FHIT: variants seen among roughly 807,000 people sequenced by gnomAD.
The protein encoded by FHIT is bis(5'-adenosyl)-triphosphatase.
FHIT carries 19 observed loss-of-function variants against 17.9 expected under a neutral mutation model. The ratio of observed to expected loss-of-function variants is 1.06; its 90% CI spans 0.74 to 1.56. FHIT has a LOEUF of 1.56. Ranked by LOEUF, FHIT falls within the 40% of genes most tolerant of loss-of-function variation. The pLI, the probability that FHIT is intolerant of heterozygous loss-of-function variation, is 0.00. For synonymous variants in FHIT, 81 were observed against 69.7 expected (o/e 1.16, Z -0.81); for missense variants, 248 against 189.2 (o/e 1.31, Z -1.82).
At chr3:60,800,807 C>T (rs1469739612) in intron 4 of FHIT, among the ~76,000 whole-genome samples, 1 of 152,130 alleles carries the variant, frequency 6.6e-6, no homozygotes, top group Non-Finnish European at 1.5e-5. Context: ...AGTTATTCCC[C>T]TTGACAGCTT....
Position 59,885,333 on chromosome 3 carries a change from A to G in FHIT, c.348+37013T>C, listed in dbSNP as rs576358301. ...GCAGCATTGAGCACGGGGGGCTGCC[A>G]TGTGTCCTCTCCACTGAAGATAGTC... On this transcript the variant is annotated intron_variant, in intron 8 of 9. Transcript: ENST00000492590. Among the ~76,000 whole-genome samples, 3 of 152,276 alleles carry G rather than the reference A, an allele frequency of 2.0e-5. No individual in the cohort carries two copies. In the East Asian group the frequency reaches 5.8e-4, roughly 29 times the overall value.
intron 8 of FHIT, among the ~76,000 whole-genome samples, chr3:59,849,931 T>C (rs1000953846): frequency 6.6e-6 from 1 of 152,242 alleles, no homozygotes; most frequent in Admixed American, 6.5e-5. Flanking sequence ...CTTTAGTTCT[T>C]TAAAATAAAT....
rs57146494 is a variant in FHIT, at chr3:60,663,153, G to GTGAT, written c.-17-126175_-17-126174insATCA. Reference sequence around the variant, plus strand: ...CTATATAGCCCTAATATTGGGTGGAGATATATATCTCTTTAATGTTGGGTT... The same window carrying GTGAT: ...CTATATAGCCCTAATATTGGGTGGAGTGATATATATATCTCTTTAATGTTGGGTT... On this transcript the variant is annotated intron_variant, in intron 4 of 9. Coordinates refer to ENST00000492590, the MANE Select transcript of FHIT (RefSeq NM_002012.4). Among the ~76,000 whole-genome samples the GTGAT allele has an allele frequency of 1.2e-3, 94 of 77,858 alleles. 7 individuals are homozygous for GTGAT. Among genetic ancestry groups the GTGAT allele is most frequent in the Middle Eastern group, 0.016 (2 of 128 alleles). 51.1% of individuals were successfully genotyped at this position (77,858 alleles called of 152,430 possible).
chr3:60,361,792 C>A (rs1576537965), intron 5 of FHIT, among the ~76,000 whole-genome samples: 1 of 152,282 alleles, frequency 6.6e-6, no homozygotes, highest in East Asian at 1.9e-4. Context: ...CTGACTCGTA[C>A]AAACACCAAA....
At chr3:60,158,322 CTCT>C (rs1450161638) in intron 5 of FHIT, among the ~76,000 whole-genome samples, 9 of 151,944 alleles carry the variant, frequency 5.9e-5, no homozygotes, top group South Asian at 2.1e-4. Flanking sequence ...TAATTTCTCT[CTCT>C]TTTTTTTTTT....
chr3:60,364,709 G>A (rs1270202889), intron 5 of FHIT, among the ~76,000 whole-genome samples: 1 of 152,202 alleles, frequency 6.6e-6, no homozygotes, highest in Non-Finnish European at 1.5e-5. Context: ...ATCAGTGAGG[G>A]TGTTTCCAGA....
At chr3:60,134,152 AT>A (rs1281550831) in intron 5 of FHIT, among the ~76,000 whole-genome samples, 3 of 152,192 alleles carry the variant, frequency 2.0e-5, no homozygotes, top group African/African-American at 7.2e-5. Context: ...TGATCCAACT[AT>A]ATTTCTGGAG....
At chr3:59,832,131 T>C (rs961122204) in intron 8 of FHIT, among the ~76,000 whole-genome samples, 2 of 152,196 alleles carry the variant, frequency 1.3e-5, no homozygotes, top group Non-Finnish European at 1.5e-5. Flanking sequence ...TAAGTTCACA[T>C]GGAGTCCAGT....
intron 5 of FHIT, among the ~76,000 whole-genome samples, chr3:60,194,984 G>A (rs1184239117): frequency 4.6e-5 from 7 of 152,134 alleles, no homozygotes; most frequent in Non-Finnish European, 8.8e-5. Flanking sequence ...TGGCCAACAT[G>A]GAGAAACGCT....
At chr3:60,808,245 AT>A (rs1302561389) in intron 4 of FHIT, among the ~76,000 whole-genome samples, 2 of 152,046 alleles carry the variant, frequency 1.3e-5, no homozygotes, top group African/African-American at 4.8e-5. Context: ...AAAAATATTG[AT>A]TTTTTTCTTT....
At chr3:60,853,449 C>T (rs1703236262) in intron 3 of FHIT, among the ~76,000 whole-genome samples, 1 of 152,036 alleles carries the variant, frequency 6.6e-6, no homozygotes, top group South Asian at 2.1e-4. Context: ...TTCCCTGCTC[C>T]TCTTTTATGG....
At chr3:60,685,938 C>A (rs781822945) in intron 4 of FHIT, among the ~76,000 whole-genome samples, 1 of 152,194 alleles carries the variant, frequency 6.6e-6, no homozygotes. Flanking sequence ...ACATAAGGAT[C>A]TGAGTTTTCA....
chr3:59,927,412 A>C (rs1705715395), intron 7 of FHIT, among the ~76,000 whole-genome samples: 1 of 151,308 alleles, frequency 6.6e-6, no homozygotes, highest in Admixed American at 6.6e-5. Context: ...TGTATATTTT[A>C]ATAGGGTTTC....
intron 2 of FHIT, among the ~76,000 whole-genome samples, chr3:61,074,095 T>A (rs1163421529): frequency 6.6e-6 from 1 of 152,054 alleles, no homozygotes; most frequent in Non-Finnish European, 1.5e-5. Context: ...GTCAGTTTAA[T>A]TTTTTTTAAA....
intron 7 of FHIT, among the ~76,000 whole-genome samples, chr3:60,000,236 A>C (rs921906141): frequency 3.3e-5 from 5 of 152,212 alleles, no homozygotes; most frequent in Non-Finnish European, 7.3e-5. Context: ...TAGCTTAGGA[A>C]AGGATTAATG....
Position 60,257,688 on chromosome 3 carries a change from T to C in FHIT, c.104-243536A>G, listed in dbSNP as rs138004296. ...AAGCAGAAATTTCTTTGATGTCTCA[T>C]GCTTTAGCTCAAAAATATATGCAGA... is the stretch of plus-strand genomic sequence containing the variant. On this transcript the variant is annotated intron_variant, in intron 5 of 9. Coordinates refer to ENST00000492590, the MANE Select transcript of FHIT (RefSeq NM_002012.4). Among the ~76,000 whole-genome samples the C allele has an allele frequency of 7.1e-4, 108 of 152,302 alleles. 2 individuals carry two copies. The highest frequency in any genetic ancestry group is 2.4e-3 in the African/African-American group (99 of 41,564).
intron 8 of FHIT, among the ~76,000 whole-genome samples, chr3:59,829,507 C>T (rs1701090930): frequency 6.6e-6 from 1 of 152,186 alleles, no homozygotes; most frequent in Admixed American, 6.5e-5. Flanking sequence ...CCCATGCTGC[C>T]TTACTCATAG....
intron 4 of FHIT, among the ~76,000 whole-genome samples, chr3:60,646,874 AAAG>A (rs1303565734): frequency 6.6e-6 from 1 of 152,210 alleles, no homozygotes; most frequent in African/African-American, 2.4e-5. Context: ...ATTTACCAGA[AAAG>A]AAGAGAAAAT....
chr3:60,284,899 T>A (rs1286373304), intron 5 of FHIT, among the ~76,000 whole-genome samples: 2 of 152,160 alleles, frequency 1.3e-5, no homozygotes, highest in Non-Finnish European at 2.9e-5. Flanking sequence ...TAAAAGAACA[T>A]ATCTGTGTTT....
Sources: gnomAD v4.1 joint callset for allele counts (sites outside exome capture counted in the v4.1 genomes callset) on GRCh38, gnomAD v4.1.1 for gene constraint, MANE v1.5 for transcripts, NCBI Gene and HGNC (gene_info 2026-07-23, HGNC 2026-07-21) for gene names.